Variants in PPP2R2B observed in about 807,000 individuals in gnomAD.
The protein encoded by PPP2R2B is protein phosphatase 2 regulatory subunit Bbeta.
In PPP2R2B, 5 loss-of-function variants were observed where a neutral mutation model predicts 46.0. That is an observed-to-expected ratio of 0.11 (90% CI 0.06 to 0.23). The LOEUF is 0.23. Among genes scored for constraint, PPP2R2B ranks in the 10% least tolerant of loss-of-function variants. The pLI is 1.00. For synonymous variants in PPP2R2B, 215 were observed against 206.7 expected, an observed-to-expected ratio of 1.04 and a Z score of -0.34; for missense variants, 367 against 575.0, an observed-to-expected ratio of 0.64 and a Z score of 3.70.
chr5:146,924,965 A>G (rs1439825724), intron 1 of PPP2R2B, among the ~76,000 whole-genome samples: 1 of 152,132 alleles, frequency 6.6e-6, no homozygotes, highest in Non-Finnish European at 1.5e-5. Context: ...TTGGTTCACC[A>G]TATGCGTTTT....
intron 2 of PPP2R2B, among the ~76,000 whole-genome samples, chr5:146,777,882 T>TA (rs1288219339): frequency 4.6e-5 from 7 of 152,300 alleles, no homozygotes; most frequent in African/African-American, 1.7e-4. Flanking sequence ...TATAAATGTT[T>TA]AAAAAGATGA....
rs1779507857 is a variant in PPP2R2B, at chr5:146,701,090, T to C, written c.123A>G (p.Thr41=). The C allele has an allele frequency of 1.2e-6, 2 of 1,614,002 alleles. No homozygotes were observed. The highest frequency in any genetic ancestry group is 1.3e-5 in the African/African-American group (1 of 74,940). Residue 41 remains threonine (T), a synonymous_variant, in exon 3 of 10, where the codon ACA becomes ACG. Transcript: ENST00000394411. The stretch of plus-strand genomic sequence containing the variant: ...TTACAACCCGACCCCCCTTGTCCCC[T>C]GTCGCTAGTAATTCTCCCGTGTGGT... ...EFNHTGELLA[T]GDKGGRVVIF...
At chr5:146,893,182 A>G (rs1168131682) in intron 1 of PPP2R2B, among the ~76,000 whole-genome samples, 3 of 152,152 alleles carry the variant, frequency 2.0e-5, no homozygotes, top group Admixed American at 6.5e-5. Context: ...CATCTCTGAC[A>G]TTTTCAGTAA....
intron 1 of PPP2R2B, among the ~76,000 whole-genome samples, chr5:146,973,114 T>C (rs1341913834): frequency 6.6e-6 from 1 of 152,212 alleles, no homozygotes; most frequent in Non-Finnish European, 1.5e-5. Flanking sequence ...ATGTTATGTC[T>C]TTGATCTACC....
chr5:146,844,353 T>TA (rs541590190), intron 2 of PPP2R2B, among the ~76,000 whole-genome samples: 21,100 of 136,150 alleles, frequency 0.15, 1,766 homozygotes, highest in East Asian at 0.38. Flanking sequence ...TAGAGTATAA[T>TA]AAAAAAAAAA....
rs142461655 is a variant in PPP2R2B at position 146,878,727 on chromosome 5, A to AGCAGCTGCTGCT, written c.-262_-261insAGCAGCAGCTGC. 29 of 1,297,478 alleles carry AGCAGCTGCTGCT rather than the reference A, an allele frequency of 2.2e-5. No individual in the cohort carries two copies. The South Asian group carries it at 2.3e-4, about 10-fold the overall frequency. 80.4% of individuals were successfully genotyped at this position (1,297,478 alleles called of 1,614,324 possible). ...CTCACACCCACACGCGCGCACTCGC[A>AGCAGCTGCTGCT]GCTGCTGCTGCTGCTGCTGCTGCTG... On this transcript the variant is annotated 5_prime_UTR_variant, in exon 1 of 10. Coordinates refer to ENST00000394411, the MANE Select transcript of PPP2R2B (RefSeq NM_181675.4). The surrounding 1 kb of genome is among the most constrained non-coding windows in gnomAD (Gnocchi z 4.5).
chr5:146,737,681 C>G (rs1486891378), intron 2 of PPP2R2B, among the ~76,000 whole-genome samples: 2 of 152,058 alleles, frequency 1.3e-5, no homozygotes, highest in African/African-American at 2.4e-5. Flanking sequence ...AGTATATAAG[C>G]CTTTCATCCC....
chr5:146,803,218 A>G (rs755192920), intron 2 of PPP2R2B, among the ~76,000 whole-genome samples: 1 of 152,196 alleles, frequency 6.6e-6, no homozygotes, highest in Non-Finnish European at 1.5e-5. Flanking sequence ...TCAAATCCCC[A>G]GGCAATTTGT....
chr5:146,684,790 C>T (rs1309120074), intron 5 of PPP2R2B, among the ~76,000 whole-genome samples: 2 of 152,152 alleles, frequency 1.3e-5, no homozygotes, highest in African/African-American at 4.8e-5. Context: ...GGTCCAGGGA[C>T]CACCTGCACC....
At chr5:146,837,815 T>C (rs1353840287) in intron 2 of PPP2R2B, among the ~76,000 whole-genome samples, 2 of 152,224 alleles carry the variant, frequency 1.3e-5, no homozygotes, top group Non-Finnish European at 2.9e-5. Context: ...GGCTATCTTG[T>C]CGAATAGCAC....
At chr5:146,965,312 C>T (rs1488124762) in intron 1 of PPP2R2B, among the ~76,000 whole-genome samples, 1 of 152,166 alleles carries the variant, frequency 6.6e-6, no homozygotes, top group Non-Finnish European at 1.5e-5. Flanking sequence ...TCCCTATCTG[C>T]CAGTACATCA....
chr5:146,737,897 G>A (rs956191269), intron 2 of PPP2R2B, among the ~76,000 whole-genome samples: 1 of 151,824 alleles, frequency 6.6e-6, no homozygotes, highest in Non-Finnish European at 1.5e-5. Flanking sequence ...CTGAGATCAC[G>A]CCACTGCACT....
At chr5:146,961,654 TAA>T (rs1380748744) in intron 1 of PPP2R2B, among the ~76,000 whole-genome samples, 1 of 152,168 alleles carries the variant, frequency 6.6e-6, no homozygotes, top group African/African-American at 2.4e-5. Flanking sequence ...TTTTATATGT[TAA>T]GAGTATTAAC....
chr5:146,636,389 A>G (rs972262520), intron 7 of PPP2R2B, among the ~76,000 whole-genome samples: 2 of 152,238 alleles, frequency 1.3e-5, no homozygotes, highest in African/African-American at 2.4e-5. Flanking sequence ...TAAAGTGAAA[A>G]TAGATTTTAT....
chr5:147,026,699 A>C (rs1217250244), intron 1 of PPP2R2B, among the ~76,000 whole-genome samples: 1 of 152,164 alleles, frequency 6.6e-6, no homozygotes, highest in East Asian at 1.9e-4. Context: ...CACATGAATA[A>C]ATGTTCAATA....
At chr5:147,078,616 T>A (rs1325529468) in intron 2 of PPP2R2B, among the ~76,000 whole-genome samples, 2 of 151,822 alleles carry the variant, frequency 1.3e-5, no homozygotes, top group Non-Finnish European at 2.9e-5. Context: ...TGAAACCCCA[T>A]CTCTACTAAA....
chr5:146,602,623 A>G (rs1190194237), intron 7 of PPP2R2B, among the ~76,000 whole-genome samples: 1 of 152,248 alleles, frequency 6.6e-6, no homozygotes, highest in Non-Finnish European at 1.5e-5. Flanking sequence ...TGAATTCTAT[A>G]TAAAGAACCC....
intron 2 of PPP2R2B, among the ~76,000 whole-genome samples, chr5:146,735,423 A>G (rs1239478363): frequency 6.6e-6 from 1 of 151,932 alleles, no homozygotes; most frequent in African/African-American, 2.4e-5. Flanking sequence ...GTATATACTG[A>G]CCAGATATGA....
chr5:146,956,462 A>G (rs1289964127), intron 1 of PPP2R2B, among the ~76,000 whole-genome samples: 1 of 152,138 alleles, frequency 6.6e-6, no homozygotes, highest in Non-Finnish European at 1.5e-5. Context: ...CAAAGATTTG[A>G]TCTTGGGGAA....
Sources: gnomAD v4.1 joint callset for allele counts (sites outside exome capture counted in the v4.1 genomes callset) on GRCh38, gnomAD v4.1.1 for gene constraint, Gnocchi (gnomAD v3.1) non-coding constraint, MANE v1.5 for transcripts, NCBI Gene and HGNC (gene_info 2026-07-23, HGNC 2026-07-21) for gene names.